NHSL2: variants seen among roughly 807,000 people sequenced by gnomAD.
NHSL2 encodes NHS like 2.
A neutral mutation model predicts 53.4 loss-of-function variants in NHSL2; 27 were observed. The observed-to-expected ratio is 0.51, with a 90% confidence interval of 0.37 to 0.70. The LOEUF is 0.70. Ranked by LOEUF, NHSL2 falls within the 30% of genes least tolerant of loss-of-function variation. The pLI is 0.00. For missense variants in NHSL2, 892 were observed against 980.1 expected (o/e 0.91, Z 1.20); for synonymous variants, 408 against 404.1 (o/e 1.01, Z -0.12).
intron 1 of NHSL2, among the ~76,000 whole-genome samples, chrX:72,085,846 G>A (rs750963883): frequency 9.2e-5 from 10 of 108,112 alleles, no homozygotes; most frequent in Non-Finnish European, 1.5e-4. Context: ...CGTATGCTGC[G>A]CCCTCTCCCC....
intron 1 of NHSL2, among the ~76,000 whole-genome samples, chrX:72,052,741 G>A (rs2042347796): frequency 8.9e-6 from 1 of 111,765 alleles, no homozygotes; most frequent in Non-Finnish European, 1.9e-5. Flanking sequence ...TGTTTGGGAA[G>A]GGAAGACCCC....
At chrX:71,950,296 A>G (rs1353403424) in intron 1 of NHSL2, among the ~76,000 whole-genome samples, 1 of 112,752 alleles carries the variant, frequency 8.9e-6, no homozygotes, top group East Asian at 2.8e-4. Context: ...GGCAGAAGGC[A>G]AGGCTAAGGA....
intron 1 of NHSL2, among the ~76,000 whole-genome samples, chrX:72,111,746 G>A (rs1444762132): frequency 9.0e-6 from 1 of 111,431 alleles, no homozygotes; most frequent in Non-Finnish European, 1.9e-5. Context: ...ACAGTAGGTT[G>A]AAGTGAGATT....
At chrX:71,939,647 C>T (rs1337240851) in intron 1 of NHSL2, among the ~76,000 whole-genome samples, 1 of 111,904 alleles carries the variant, frequency 8.9e-6, no homozygotes, top group Non-Finnish European at 1.9e-5. Flanking sequence ...CCAGATCTGC[C>T]ACTGATTGGC....
At chrX:72,072,870 A>G (rs1010023754) in intron 1 of NHSL2, among the ~76,000 whole-genome samples, 1 of 111,955 alleles carries the variant, frequency 8.9e-6, no homozygotes, top group African/African-American at 3.2e-5. Context: ...TGTATACCAA[A>G]GGGTGGGAAA....
intron 1 of NHSL2, chrX:72,131,693 G>T: frequency 2.1e-6 from 1 of 487,086 alleles, no homozygotes. Flanking sequence ...ACCCACCGGG[G>T]CGAGCTCGGA....
In NHSL2 at chrX:72,134,587, A is replaced by C. The variant is rs1213487475; in HGVS notation, c.643A>C (p.Thr215Pro). 1 of 1,164,664 alleles carries C rather than the reference A, an allele frequency of 8.6e-7. No homozygotes were observed. Among genetic ancestry groups the C allele is most frequent in the Non-Finnish European group, 1.1e-6 (1 of 869,778 alleles). ...RAPEASLSLS[T>P]TADKQTAWNS... ...CCCCGAGGCCTCCCTGAGCCTGTCTACCACAGCCGACAAGCAAACTGCCTG... is the reference window on the plus strand; with the variant it reads ...CCCCGAGGCCTCCCTGAGCCTGTCTCCCACAGCCGACAAGCAAACTGCCTG... Residue 215 changes from threonine to proline, a missense_variant, in exon 4 of 8, where the codon ACC becomes CCC. By Grantham distance (38) the Thr-to-Pro change is conservative (BLOSUM62 -1). Transcript: ENST00000633930.
At chrX:71,931,970 A>C (rs949700166) in intron 1 of NHSL2, among the ~76,000 whole-genome samples, 1 of 112,337 alleles carries the variant, frequency 8.9e-6, no homozygotes, top group Non-Finnish European at 1.9e-5. Context: ...AAGGATATCC[A>C]CATTCATTTT....
chrX:72,085,808 A>G (rs1754929438), intron 1 of NHSL2, among the ~76,000 whole-genome samples: 1 of 107,052 alleles, frequency 9.3e-6, no homozygotes, highest in South Asian at 4.2e-4. Context: ...CAGGCAGTGC[A>G]GCTGCTCCCT....
chrX:72,063,126 G>T (rs1474766198), intron 1 of NHSL2, among the ~76,000 whole-genome samples: 2 of 111,768 alleles, frequency 1.8e-5, no homozygotes, highest in Non-Finnish European at 3.8e-5. Flanking sequence ...CTTGGCCTTG[G>T]CCTACTACTC....
intron 1 of NHSL2, among the ~76,000 whole-genome samples, chrX:72,073,201 G>A (rs2041714471): frequency 8.9e-6 from 1 of 111,903 alleles, no homozygotes; most frequent in African/African-American, 3.3e-5. Context: ...GGAGCAGCCA[G>A]GCTGAGCTGC....
intron 1 of NHSL2, chrX:72,130,174 A>C (rs1464132220): frequency 8.3e-7 from 1 of 1,208,083 alleles, no homozygotes; most frequent in Non-Finnish European, 1.1e-6. Context: ...GGCCTCATCC[A>C]GTGGCTCCTC....
chrX:72,030,445 A>G (rs1034233963), intron 1 of NHSL2, among the ~76,000 whole-genome samples: 6 of 112,247 alleles, frequency 5.3e-5, no homozygotes, highest in Non-Finnish European at 1.9e-5. Context: ...TATACAGTAA[A>G]TTGCATAAAG....
intron 1 of NHSL2, among the ~76,000 whole-genome samples, chrX:71,942,972 CTGTGTGTGTGTGTG>C (rs58935869): frequency 2.7e-5 from 2 of 74,025 alleles, no homozygotes; most frequent in African/African-American, 1.1e-4. Context: ...CTCTCTCTCT[CTGTGTGTGTGTGTG>C]TGTGTGTGTG....
At chrX:71,931,433 C>A (rs914183238) in intron 1 of NHSL2, among the ~76,000 whole-genome samples, 5 of 111,942 alleles carry the variant, frequency 4.5e-5, no homozygotes, top group Non-Finnish European at 7.5e-5. Context: ...CGTAAGAGAC[C>A]ATTGTCTAAT....
At chrX:72,014,183 A>G (rs2042126711) in intron 1 of NHSL2, among the ~76,000 whole-genome samples, 1 of 112,007 alleles carries the variant, frequency 8.9e-6, no homozygotes, top group African/African-American at 3.2e-5. Flanking sequence ...GATATGAGCA[A>G]TTTGTATGTC....
At position 72,131,313 on chromosome X, in the gene NHSL2, G is replaced by T. The variant is rs748910485; in HGVS notation, c.281-766G>T. 10 of 1,196,689 alleles carry T rather than the reference G, an allele frequency of 8.4e-6. No individual in the cohort carries two copies. The East Asian group carries it at 3.0e-4, about 36-fold the overall frequency. On this transcript the variant is annotated intron_variant, in intron 1 of 7. Transcript: ENST00000633930. ...GCAGTTCTCCCCCGGGAATGACTTC[G>T]ATCTCACTGAGCGCGAACTCCAAGT... is the stretch of plus-strand genomic sequence containing the variant.
chrX:71,964,902 G>T (rs753379603), intron 1 of NHSL2, among the ~76,000 whole-genome samples: 2 of 111,324 alleles, frequency 1.8e-5, no homozygotes, highest in Non-Finnish European at 3.8e-5. Context: ...TGTGCCTTTG[G>T]TGTTGTATCT....
chrX:71,942,836 A>C (rs6625919), intron 1 of NHSL2, among the ~76,000 whole-genome samples: 5,849 of 111,118 alleles, frequency 0.053, 197 homozygotes, highest in East Asian at 0.27. Context: ...CTGCGTTGGG[A>C]ATTGTCTAAT....
Sources: gnomAD v4.1 joint callset for allele counts (sites outside exome capture counted in the v4.1 genomes callset) on GRCh38, gnomAD v4.1.1 for gene constraint, MANE v1.5 for transcripts, NCBI Gene and HGNC (gene_info 2026-07-23, HGNC 2026-07-21) for gene names.